Variants in SIAH1 observed in about 807,000 individuals in gnomAD.
SIAH1 encodes E3 ubiquitin-protein ligase SIAH1.
A neutral mutation model predicts 20.0 loss-of-function variants in SIAH1; 2 were observed. The observed-to-expected ratio is 0.10, with a 90% CI of 0.04 to 0.31. The LOEUF is 0.31. Ranked by LOEUF, SIAH1 falls within the 10% of genes least tolerant of loss-of-function variation. SIAH1 has a pLI of 1.00. For missense variants in SIAH1, 119 were observed against 355.3 expected, an observed-to-expected ratio of 0.33 and a Z score of 5.35; for synonymous variants, 118 against 125.3, an observed-to-expected ratio of 0.94 and a Z score of 0.39.
intron 1 of SIAH1, among the ~76,000 whole-genome samples, chr16:48,371,251 A>G (rs1960980772): frequency 6.6e-6 from 1 of 151,704 alleles, no homozygotes; most frequent in Non-Finnish European, 1.5e-5. Flanking sequence ...TAGCTACTGC[A>G]CTCCAGCCTG....
In SIAH1 at chr16:48,361,555, G is replaced by A. The variant is rs778607180; in HGVS notation, c.*25C>T. 12 of 1,605,932 alleles carry A rather than the reference G, an allele frequency of 7.5e-6. No individual in the cohort carries two copies. Among genetic ancestry groups the A allele is most frequent in the South Asian group, 1.1e-5 (1 of 90,826 alleles). On this transcript the variant is annotated 3_prime_UTR_variant, in exon 2 of 2. Coordinates refer to ENST00000394725, the MANE Select transcript of SIAH1 (RefSeq NM_003031.4). ...CTGTGAAACTGAAGTTTTAAACACT[G>A]GCCAGAAAATGTTTGATTGCCATTT... is the stretch of plus-strand genomic sequence containing the variant.
rs1022805557 is a variant in SIAH1, at chr16:48,379,051, A to C, written c.-3+6153T>G. On this transcript the variant is annotated intron_variant, in intron 1 of 1. Transcript: ENST00000394725. ...TTACTCAACAACTAATCTTTTTACA[A>C]CACTTGCTGTGTTAGGCAATGTGCT... is the stretch of plus-strand genomic sequence containing the variant. Among the ~76,000 whole-genome samples, 3 of 152,236 alleles carry C rather than the reference A, an allele frequency of 2.0e-5. No individual in the cohort carries two copies. In the South Asian group the frequency reaches 6.2e-4, roughly 32 times the overall value.
rs11342599 is a variant in SIAH1 at position 48,371,114 on chromosome 16, C to CAA, written c.-2-8686_-2-8685dup. On this transcript the variant is annotated intron_variant, in intron 1 of 1. Coordinates refer to ENST00000394725, the MANE Select transcript of SIAH1 (RefSeq NM_003031.4). Reference sequence around the variant, plus strand: ...GGGCAACAAGAGTGAAATTCCATCTCAAAAAAAAAAAAAAAAAAAGTAAGA... The same window carrying CAA: ...GGGCAACAAGAGTGAAATTCCATCTCAAAAAAAAAAAAAAAAAAAAAGTAAGA... Among the ~76,000 whole-genome samples, 124 of 111,356 alleles carry CAA rather than the reference C, an allele frequency of 1.1e-3. 1 individual carries two copies. In the South Asian group the frequency reaches 0.026, roughly 23 times the overall value. 73.1% of individuals were successfully genotyped at this position (111,356 alleles called of 152,430 possible). A position where few individuals can be genotyped will look rare whatever the true frequency, so the allele number is the denominator to read the frequency against.
At chr16:48,380,522 A>G (rs1411314600) in intron 1 of SIAH1, among the ~76,000 whole-genome samples, 3 of 152,150 alleles carry the variant, frequency 2.0e-5, no homozygotes, top group African/African-American at 7.2e-5. Context: ...AAAGAGTCAA[A>G]AAGACCTTAA....
In SIAH1 at chr16:48,378,130, T is replaced by C. The variant is rs567437909; in HGVS notation, c.-3+7074A>G. Among the ~76,000 whole-genome samples, 7 of 152,212 alleles carry C rather than the reference T, an allele frequency of 4.6e-5. No individual in the cohort carries two copies. The South Asian group carries it at 1.5e-3, about 32-fold the overall frequency. ...ACTTTGGGAGGCCAAGGCAGGCAGA[T>C]CACCTGAGGTTGGGAGTTCAAGACC... On this transcript the variant is annotated intron_variant, in intron 1 of 1. Transcript: ENST00000394725.
chr16:48,384,920 T>C (rs1006840357), intron 1 of SIAH1, among the ~76,000 whole-genome samples: 2 of 141,768 alleles, frequency 1.4e-5, no homozygotes, highest in African/African-American at 5.0e-5. Flanking sequence ...TCCCCCGCCC[T>C]CGGCCCGGCC....
chr16:48,370,605 T>C lies in SIAH1; in HGVS notation c.-2-8175A>G, dbSNP rs79516366. On this transcript the variant is annotated intron_variant, in intron 1 of 1. Coordinates refer to ENST00000394725, the MANE Select transcript of SIAH1 (RefSeq NM_003031.4). ...AGGCTGAGGTGGGCGGATCATGAGGTCAGGTTATCGAGACTACAGTGAAAC... is the reference window on the plus strand; with the variant it reads ...AGGCTGAGGTGGGCGGATCATGAGGCCAGGTTATCGAGACTACAGTGAAAC... Among the ~76,000 whole-genome samples the C allele has an allele frequency of 1.3e-4, 19 of 151,244 alleles. No individual in the cohort carries two copies. In the East Asian group the frequency reaches 3.5e-3, roughly 28 times the overall value.
chr16:48,365,712 A>T (rs1277386610), intron 1 of SIAH1: 5 of 1,424,412 alleles, frequency 3.5e-6, no homozygotes, highest in Non-Finnish European at 4.6e-6. Context: ...CAAAAATGGG[A>T]GCCACAGCTG....
intron 1 of SIAH1, among the ~76,000 whole-genome samples, chr16:48,366,237 CTACAGCG>C (rs1456954117): frequency 6.6e-6 from 1 of 152,218 alleles, no homozygotes; most frequent in East Asian, 1.9e-4. Flanking sequence ...GATCTAAGAG[CTACAGCG>C]TATCTGGGAA....
At chr16:48,372,235 T>A (rs1961004394) in intron 1 of SIAH1, among the ~76,000 whole-genome samples, 1 of 152,186 alleles carries the variant, frequency 6.6e-6, no homozygotes, top group Admixed American at 6.5e-5. Context: ...AATGCCATCT[T>A]TTAAAAAATC....
intron 1 of SIAH1, chr16:48,365,790 T>C (rs1180905605): frequency 7.5e-7 from 1 of 1,335,166 alleles, no homozygotes; most frequent in Non-Finnish European, 9.6e-7. Context: ...ATTCACTGGG[T>C]AGGGTCCTGC....
chr16:48,370,384 C>T (rs8056846), intron 1 of SIAH1, among the ~76,000 whole-genome samples: 29,287 of 149,488 alleles, frequency 0.2, 3,309 homozygotes, highest in African/African-American at 0.33. Context: ...GCAAGCTAAA[C>T]ACAGTTCTTC....
At position 48,367,130 on chromosome 16, in the gene SIAH1, G is replaced by C. The variant is rs138275868; in HGVS notation, c.-2-4700C>G. Among the ~76,000 whole-genome samples, 438 of 152,246 alleles carry C rather than the reference G, an allele frequency of 2.9e-3. 3 individuals carry two copies. The highest frequency in any genetic ancestry group is 9.8e-3 in the African/African-American group (409 of 41,532). On this transcript the variant is annotated intron_variant, in intron 1 of 1. Coordinates refer to ENST00000394725, the MANE Select transcript of SIAH1 (RefSeq NM_003031.4). ...GCCCAGGCTGGTCTCGAACTCCTGG[G>C]CTAAAGCCATCAGCCTGCCTTGGCC...
At chr16:48,368,778 AC>A (rs1168349935) in intron 1 of SIAH1, among the ~76,000 whole-genome samples, 1 of 152,186 alleles carries the variant, frequency 6.6e-6, no homozygotes, top group East Asian at 1.9e-4. Flanking sequence ...AATTATCACT[AC>A]CCCATCTCTA....
rs1235821757 is a variant in SIAH1 at position 48,361,222 on chromosome 16, C to T, written c.*358G>A. On this transcript the variant is annotated 3_prime_UTR_variant, in exon 2 of 2. Transcript: ENST00000394725. ...TAAAGGAAAAAAACCCAAACACGCA[C>T]ACACCCACGCAGGCACACACTCCCA... 4.3e-6 allele frequency: 1 copy of T among 233,444 alleles called. No homozygotes were observed. The highest frequency in any genetic ancestry group is 2.3e-5 in the African/African-American group (1 of 43,104). The allele number at this position is 233,444 out of a possible 1,614,324, so 14.5% of individuals were successfully genotyped here. A position where few individuals can be genotyped will look rare whatever the true frequency, so the allele number is the denominator to read the frequency against.
intron 1 of SIAH1, among the ~76,000 whole-genome samples, chr16:48,379,103 T>C (rs1374443887): frequency 6.6e-6 from 1 of 152,216 alleles, no homozygotes; most frequent in African/African-American, 2.4e-5. Context: ...GCAGTGTCTC[T>C]GCTCTCATGG....
chr16:48,367,286 T>C (rs961054475), intron 1 of SIAH1, among the ~76,000 whole-genome samples: 5 of 152,190 alleles, frequency 3.3e-5, no homozygotes, highest in African/African-American at 9.7e-5. Context: ...AACCAAAATG[T>C]ATACAACAAA....
chr16:48,370,204 A>C (rs1281849686), intron 1 of SIAH1, among the ~76,000 whole-genome samples: 1 of 152,028 alleles, frequency 6.6e-6, no homozygotes, highest in Non-Finnish European at 1.5e-5. Flanking sequence ...AAGAATGGCC[A>C]CTCCCTTCCC....
chr16:48,375,193 C>T (rs1294006512), intron 1 of SIAH1, among the ~76,000 whole-genome samples: 1 of 152,178 alleles, frequency 6.6e-6, no homozygotes, highest in African/African-American at 2.4e-5. Flanking sequence ...GTATGGATGC[C>T]TGTTTGTAAT....
Sources: gnomAD v4.1 joint callset for allele counts (sites outside exome capture counted in the v4.1 genomes callset) on GRCh38, gnomAD v4.1.1 for gene constraint, MANE v1.5 for transcripts, NCBI Gene and HGNC (gene_info 2026-07-23, HGNC 2026-07-21) for gene names.